The following PIAS1 variants were observed in gnomAD, a reference collection of about 807,000 sequenced individuals.
PIAS1 encodes the protein protein inhibitor of activated STAT 1.
Under a neutral mutation model 71.3 loss-of-function variants are expected in PIAS1, and 6 were observed. The ratio of observed to expected loss-of-function variants is 0.08; its 90% confidence interval spans 0.05 to 0.17. The LOEUF is 0.17. Among genes scored for constraint, PIAS1 ranks in the 10% least tolerant of loss-of-function variants. The pLI is 1.00. For missense variants in PIAS1, 555 were observed against 793.6 expected, an observed-to-expected ratio of 0.70 and a Z score of 3.61; for synonymous variants, 303 against 292.9, an observed-to-expected ratio of 1.03 and a Z score of -0.35.
chr15:68,139,009 CAGTAT>C (rs1279363398), intron 2 of PIAS1, among the ~76,000 whole-genome samples: 1 of 152,040 alleles, frequency 6.6e-6, no homozygotes, highest in Non-Finnish European at 1.5e-5. Context: ...TATTTTGACT[CAGTAT>C]AGTGGTAAGG....
At chr15:68,123,824 T>C (rs1025727749) in intron 2 of PIAS1, among the ~76,000 whole-genome samples, 2 of 152,168 alleles carry the variant, frequency 1.3e-5, no homozygotes, top group Non-Finnish European at 2.9e-5. Context: ...ATTGATAAAA[T>C]AGATGTACCT....
At chr15:68,118,021 C>G (rs1463471217) in intron 2 of PIAS1, among the ~76,000 whole-genome samples, 1 of 152,128 alleles carries the variant, frequency 6.6e-6, no homozygotes, top group African/African-American at 2.4e-5. Flanking sequence ...CACTTGTCTT[C>G]TGGTTTTGTG....
intron 6 of PIAS1, among the ~76,000 whole-genome samples, chr15:68,148,286 C>T (rs1210102252): frequency 6.6e-6 from 1 of 152,028 alleles, no homozygotes; most frequent in African/African-American, 2.4e-5. Flanking sequence ...TAGGAGTGAG[C>T]CTGGTTTTTA....
At chr15:68,115,653 A>G (rs1043053843) in intron 2 of PIAS1, among the ~76,000 whole-genome samples, 4 of 152,130 alleles carry the variant, frequency 2.6e-5, no homozygotes, top group African/African-American at 9.6e-5. Context: ...TTCACGTCTC[A>G]GTAAAGTGTT....
In PIAS1 at chr15:68,185,016, G is replaced by T. The variant is rs181338627; in HGVS notation, c.1662+1349G>T. On this transcript the variant is annotated intron_variant, in intron 13 of 13. Transcript: ENST00000249636. This position sits in a 1 kb window ranked among gnomAD's most constrained non-coding sequence, Gnocchi z 4.4. Reference sequence around the variant, plus strand: ...GCCAGCAAAATGGAGAAGTACTGTTGAGAGAGTAACATACTTTTCAAGATG... The same window carrying T: ...GCCAGCAAAATGGAGAAGTACTGTTTAGAGAGTAACATACTTTTCAAGATG... The T allele has an allele frequency of 2.7e-4, 41 of 153,288 alleles. 1 individual carries two copies. In the East Asian group the frequency reaches 3.3e-3, roughly 12 times the overall value. The allele number at this position is 153,288 out of a possible 1,614,324, so 9.5% of individuals were successfully genotyped here. A position where few individuals can be genotyped will look rare whatever the true frequency, so the allele number is the denominator to read the frequency against.
At chr15:68,085,326 C>A (rs1031729391) in intron 1 of PIAS1, among the ~76,000 whole-genome samples, 2 of 152,086 alleles carry the variant, frequency 1.3e-5, no homozygotes, top group African/African-American at 4.8e-5. Context: ...CATTTTCCAC[C>A]ACTTTAAAAT....
intron 1 of PIAS1, among the ~76,000 whole-genome samples, chr15:68,071,507 G>A (rs1177421955): frequency 6.0e-5 from 9 of 151,226 alleles, no homozygotes; most frequent in South Asian, 2.1e-4. Context: ...GAGCCACTGC[G>A]CCTGGCCAGC....
rs867995996 is a variant in PIAS1 at position 68,119,124 on chromosome 15, G to T, written c.470-22822G>T. Among the ~76,000 whole-genome samples the T allele has an allele frequency of 2.4e-3, 338 of 141,664 alleles. 1 individual carries two copies. Among genetic ancestry groups the T allele is most frequent in the Admixed American group, 5.7e-3 (79 of 13,836 alleles). 92.9% of individuals were successfully genotyped at this position (141,664 alleles called of 152,430 possible). Reference sequence around the variant, plus strand: ...CCAATTAAAAACTGGGCAGGCCGGGGCATGGTGGCTCACACCTGTAATCCC... The same window carrying T: ...CCAATTAAAAACTGGGCAGGCCGGGTCATGGTGGCTCACACCTGTAATCCC... On this transcript the variant is annotated intron_variant, in intron 2 of 13. Transcript: ENST00000249636.
intron 1 of PIAS1, among the ~76,000 whole-genome samples, chr15:68,074,496 A>T (rs1057063625): frequency 3.9e-5 from 6 of 152,196 alleles, no homozygotes; most frequent in Non-Finnish European, 8.8e-5. Flanking sequence ...TTTTAAGAAC[A>T]TTGGCTGCAT....
At chr15:68,164,897 T>C in intron 8 of PIAS1, 93 bp downstream of exon 8, 2 of 680,244 alleles carry the variant, frequency 2.9e-6, no homozygotes, top group Non-Finnish European at 5.1e-6. Flanking sequence ...TTCTGTTTGC[T>C]TCTAAAATAT....
intron 2 of PIAS1, among the ~76,000 whole-genome samples, chr15:68,101,332 GT>G (rs35754942): frequency 0.88 from 121,178 of 137,308 alleles, 53,381 homozygotes; most frequent in East Asian, 0.92. Flanking sequence ...TAATTGCAGT[GT>G]TTTTTTTTTT....
chr15:68,122,807 G>A (rs1372040717), intron 2 of PIAS1, among the ~76,000 whole-genome samples: 1 of 152,124 alleles, frequency 6.6e-6, no homozygotes, highest in Non-Finnish European at 1.5e-5. Context: ...TTTTGGAAGA[G>A]TAATAGTCAC....
chr15:68,104,247 T>C (rs1473209812), intron 2 of PIAS1, among the ~76,000 whole-genome samples: 27 of 152,250 alleles, frequency 1.8e-4, no homozygotes, highest in Admixed American at 7.2e-4. Context: ...ATGCTAACGT[T>C]GTTACATTTG....
At chr15:68,169,322 C>T (rs1013936245) in intron 8 of PIAS1, among the ~76,000 whole-genome samples, 1 of 152,192 alleles carries the variant, frequency 6.6e-6, no homozygotes, top group Non-Finnish European at 1.5e-5. Flanking sequence ...GGTAATTTTT[C>T]TGTTATAATA....
At chr15:68,059,623 A>G (rs374512861) in intron 1 of PIAS1, among the ~76,000 whole-genome samples, 2 of 151,032 alleles carry the variant, frequency 1.3e-5, no homozygotes, top group East Asian at 2.0e-4. Flanking sequence ...AGGCAGGAGA[A>G]TCGCTTGAAC....
intron 8 of PIAS1, among the ~76,000 whole-genome samples, chr15:68,170,087 A>G (rs1210369933): frequency 6.6e-6 from 1 of 152,182 alleles, no homozygotes; most frequent in African/African-American, 2.4e-5. Flanking sequence ...AGTGCACAGG[A>G]CTGTCTTACT....
At chr15:68,114,063 T>TACACACAC (rs1317527999) in intron 2 of PIAS1, among the ~76,000 whole-genome samples, 2 of 56,072 alleles carry the variant, frequency 3.6e-5, no homozygotes, top group Non-Finnish European at 1.0e-4. Context: ...CACACACACT[T>TACACACAC]ATATACATGT....
intron 1 of PIAS1, among the ~76,000 whole-genome samples, chr15:68,073,380 G>A (rs66740839): frequency 0.17 from 25,646 of 152,156 alleles, 2,419 homozygotes; most frequent in South Asian, 0.23. Flanking sequence ...ATTGACAGGT[G>A]CCAAACCGTT....
chr15:68,061,812 C>G (rs983499339), intron 1 of PIAS1, among the ~76,000 whole-genome samples: 12 of 152,148 alleles, frequency 7.9e-5, no homozygotes, highest in Admixed American at 1.3e-4. Flanking sequence ...TCAAGATTTT[C>G]TATTGTCTGG....
Sources: gnomAD v4.1 joint callset for allele counts (sites outside exome capture counted in the v4.1 genomes callset) on GRCh38, gnomAD v4.1.1 for gene constraint, Gnocchi (gnomAD v3.1) non-coding constraint, MANE v1.5 for transcripts, NCBI Gene and HGNC (gene_info 2026-07-23, HGNC 2026-07-21) for gene names.